PDZRN4: variants seen among roughly 807,000 people sequenced by gnomAD.
The protein encoded by PDZRN4 is PDZ domain containing ring finger 4.
PDZRN4 carries 70 observed loss-of-function variants against 99.0 expected under a neutral mutation model. That is an observed-to-expected ratio of 0.71 (90% CI 0.58 to 0.86). The LOEUF is 0.86. Among genes scored for constraint, PDZRN4 ranks in the 40% least tolerant of loss-of-function variants. The pLI is 0.00. For missense variants in PDZRN4, 1,474 were observed against 1,331.2 expected, an observed-to-expected ratio of 1.11 and a Z score of -1.67; for synonymous variants, 551 against 501.6, an observed-to-expected ratio of 1.10 and a Z score of -1.32.
chr12:41,353,485 G>C (rs1176206241), intron 3 of PDZRN4, among the ~76,000 whole-genome samples: 1 of 152,082 alleles, frequency 6.6e-6, no homozygotes, highest in African/African-American at 2.4e-5. Context: ...CATAAGTTCA[G>C]CTAAAGTAGA....
chr12:41,520,836 G>C, intron 5 of PDZRN4, among the ~76,000 whole-genome samples: 1 of 152,020 alleles, frequency 6.6e-6, no homozygotes, highest in East Asian at 1.9e-4. Context: ...AATAATCTAC[G>C]CCTGTAGTCA....
intron 3 of PDZRN4, among the ~76,000 whole-genome samples, chr12:41,457,404 T>C (rs913290379): frequency 6.6e-6 from 1 of 152,220 alleles, no homozygotes; most frequent in Non-Finnish European, 1.5e-5. Flanking sequence ...CGAACTAAAT[T>C]TTTCACAGAG....
chr12:41,518,306 A>G (rs1938437116), intron 5 of PDZRN4, among the ~76,000 whole-genome samples: 1 of 152,238 alleles, frequency 6.6e-6, no homozygotes, highest in East Asian at 1.9e-4. Flanking sequence ...GATCCAAAAT[A>G]CAATTTTTAA....
chr12:41,335,608 A>T (rs1565555080), intron 3 of PDZRN4, among the ~76,000 whole-genome samples: 1 of 152,120 alleles, frequency 6.6e-6, no homozygotes. Flanking sequence ...AAACATATTT[A>T]TAATGTTTGC....
intron 3 of PDZRN4, among the ~76,000 whole-genome samples, chr12:41,245,360 C>A (rs911337339): frequency 1.3e-5 from 2 of 151,994 alleles, no homozygotes; most frequent in African/African-American, 4.8e-5. Context: ...CGATTATATG[C>A]CTGATACTAT....
chr12:41,214,430 T>TAAAAACAAAAAAAAA (rs1950907685), intron 3 of PDZRN4, among the ~76,000 whole-genome samples: 1 of 34,078 alleles, frequency 2.9e-5, no homozygotes, highest in Non-Finnish European at 6.3e-5. Context: ...CCCTGTCCCC[T>TAAAAACAAAAAAAAA]AAAAAAAAAA....
At chr12:41,343,275 G>A (rs896182626) in intron 3 of PDZRN4, among the ~76,000 whole-genome samples, 4 of 151,830 alleles carry the variant, frequency 2.6e-5, no homozygotes, top group Non-Finnish European at 2.9e-5. Context: ...TTGTATTTCC[G>A]TGGTATTGGT....
At chr12:41,384,527 T>C (rs1952151938) in intron 3 of PDZRN4, among the ~76,000 whole-genome samples, 1 of 152,170 alleles carries the variant, frequency 6.6e-6, no homozygotes, top group Non-Finnish European at 1.5e-5. Context: ...ACTTTTCCAA[T>C]AGAGTAGAAT....
chr12:41,239,359 A>G (rs773529958), intron 3 of PDZRN4, among the ~76,000 whole-genome samples: 7 of 152,174 alleles, frequency 4.6e-5, no homozygotes, highest in Non-Finnish European at 1.0e-4. Flanking sequence ...AAGAATAGCT[A>G]GTAAATGCTT....
At chr12:41,470,356 G>C (rs1348234006) in intron 3 of PDZRN4, among the ~76,000 whole-genome samples, 3 of 152,066 alleles carry the variant, frequency 2.0e-5, no homozygotes, top group Admixed American at 6.5e-5. Flanking sequence ...CTTTTGTTTT[G>C]TTTTGTTTGG....
chr12:41,217,759 G>A (rs1591972276), intron 3 of PDZRN4, among the ~76,000 whole-genome samples: 1 of 151,850 alleles, frequency 6.6e-6, no homozygotes, highest in African/African-American at 2.4e-5. Context: ...TTCCATCCTT[G>A]GCCTGCTTAC....
In PDZRN4 at chr12:41,368,356, A is replaced by G. The variant is rs1235580741; in HGVS notation, c.844-138100A>G. Among the ~76,000 whole-genome samples the G allele has an allele frequency of 2.0e-5, 3 of 152,052 alleles. No homozygotes were observed. In the East Asian group the frequency reaches 5.8e-4, roughly 29 times the overall value. On this transcript the variant is annotated intron_variant, in intron 3 of 9. Transcript: ENST00000402685. ...TTTTCTACTCTTGACTTTATGCTTC[A>G]CTTTCAACCATTTCCCCCCAAGCAC...
intron 3 of PDZRN4, among the ~76,000 whole-genome samples, chr12:41,423,100 C>T (rs1952505623): frequency 6.6e-6 from 1 of 152,014 alleles, no homozygotes; most frequent in South Asian, 2.1e-4. Flanking sequence ...ATTTTTTGTA[C>T]TCCTCAGGAG....
intron 3 of PDZRN4, among the ~76,000 whole-genome samples, chr12:41,385,266 T>A (rs1952161028): frequency 6.6e-6 from 1 of 152,120 alleles, no homozygotes; most frequent in African/African-American, 2.4e-5. Flanking sequence ...AGGCAACACT[T>A]GAGCCAAAGA....
At chr12:41,506,392 A>C in intron 3 of PDZRN4, 64 bp from the exon 4 acceptor site, 1 of 1,450,108 alleles carries the variant, frequency 6.9e-7, no homozygotes, top group Non-Finnish European at 9.3e-7. Flanking sequence ...GTCTTTTATT[A>C]ATCTATCATG....
At chr12:41,504,100 C>T (rs979109614) in intron 3 of PDZRN4, among the ~76,000 whole-genome samples, 1 of 151,876 alleles carries the variant, frequency 6.6e-6, no homozygotes, top group African/African-American at 2.4e-5. Context: ...GAAACCCCGT[C>T]TCTACTAAAA....
rs1938824373 is a variant in PDZRN4 at position 41,540,231 on chromosome 12, A to G, written c.1204-12425A>G. Among the ~76,000 whole-genome samples, 3 of 152,198 alleles carry G rather than the reference A, an allele frequency of 2.0e-5. No individual in the cohort carries two copies. The South Asian group carries it at 6.2e-4, about 32-fold the overall frequency. On this transcript the variant is annotated intron_variant, in intron 5 of 9. Transcript: ENST00000402685. ...TTTTGTTATTATACACTGTAGTACTAACCTGAAGATGAGAAACTCCAAGCA... is the reference window on the plus strand; with the variant it reads ...TTTTGTTATTATACACTGTAGTACTGACCTGAAGATGAGAAACTCCAAGCA...
intron 3 of PDZRN4, among the ~76,000 whole-genome samples, chr12:41,246,260 T>A (rs1464017706): frequency 6.6e-6 from 1 of 152,172 alleles, no homozygotes; most frequent in Non-Finnish European, 1.5e-5. Flanking sequence ...ATTAGTCCAA[T>A]ATATTCATCG....
intron 3 of PDZRN4, among the ~76,000 whole-genome samples, chr12:41,358,078 G>C (rs915800986): frequency 6.6e-6 from 1 of 151,978 alleles, no homozygotes; most frequent in Non-Finnish European, 1.5e-5. Context: ...CAACTAGCAG[G>C]TCTGAAAAAA....
Sources: gnomAD v4.1 joint callset for allele counts (sites outside exome capture counted in the v4.1 genomes callset) on GRCh38, gnomAD v4.1.1 for gene constraint, MANE v1.5 for transcripts, NCBI Gene and HGNC (gene_info 2026-07-23, HGNC 2026-07-21) for gene names.